Variants in TGM7 observed in about 807,000 individuals in gnomAD.
TGM7 encodes protein-glutamine gamma-glutamyltransferase Z.
In TGM7, 74 loss-of-function variants were observed where a neutral mutation model predicts 79.5. The observed-to-expected ratio is 0.93, with a 90% CI of 0.77 to 1.13. The LOEUF (loss-of-function observed/expected upper bound fraction) is 1.13. TGM7 is among the 50% of genes most tolerant of loss of function. The probability of loss-of-function intolerance (pLI) is 0.00; values close to 1 mark genes in which losing one functional copy is unlikely to be tolerated. For missense variants in TGM7, 912 were observed against 905.9 expected, an observed-to-expected ratio of 1.01 and a Z score of -0.09; for synonymous variants, 354 against 362.5, an observed-to-expected ratio of 0.98 and a Z score of 0.27.
In TGM7 at chr15:43,292,792, T is replaced by A. The variant is rs781758359; in HGVS notation, c.356A>T (p.Lys119Ile). 4.3e-6 allele frequency: 7 copies of A among 1,614,140 alleles called. No individual in the cohort carries two copies. In the South Asian group the frequency reaches 7.7e-5, roughly 18 times the overall value. Residue 119 changes from lysine to isoleucine, a missense_variant, in exon 3 of 13, where the codon AAA becomes ATA. Lys to Ile is a moderately radical substitution (Grantham distance 102). Transcript: ENST00000452443. ...ACCTTGGCCCTGAGAGATCTCTATTTTCAGAGTGTAATGGCCAATAACTGC... is the reference window on the plus strand; with the variant it reads ...ACCTTGGCCCTGAGAGATCTCTATTATCAGAGTGTAATGGCCAATAACTGC... ...ANAVIGHYTL[K>I]IEISQGQGHS... is the part of the protein sequence containing the mutation.
chr15:43,279,012 G>A lies in TGM7; in HGVS notation c.1839+105C>T, dbSNP rs904947864. 16 of 1,246,710 alleles carry A rather than the reference G, an allele frequency of 1.3e-5. No homozygotes were observed. In the Admixed American group the frequency reaches 1.8e-4, roughly 14 times the overall value. The allele number at this position is 1,246,710 out of a possible 1,614,324, so 77.2% of individuals were successfully genotyped here. A position where few individuals can be genotyped will look rare whatever the true frequency, so the allele number is the denominator to read the frequency against. On this transcript the variant is annotated intron_variant, in intron 11 of 12. Coordinates refer to ENST00000452443, the MANE Select transcript of TGM7 (RefSeq NM_052955.3). Reference sequence around the variant, plus strand: ...CACACCATACTGTGCTGGAGCCATCGGTGTGGTGAGAGGTGGGAACAGTGT... The same window carrying A: ...CACACCATACTGTGCTGGAGCCATCAGTGTGGTGAGAGGTGGGAACAGTGT...
chr15:43,298,871 T>G (rs1189024075), intron 1 of TGM7, among the ~76,000 whole-genome samples: 2 of 152,160 alleles, frequency 1.3e-5, no homozygotes, highest in African/African-American at 2.4e-5. Context: ...TGTACAAAAC[T>G]TAAGCATAAA....
intron 1 of TGM7, among the ~76,000 whole-genome samples, chr15:43,298,818 G>C (rs1039059636): frequency 2.0e-5 from 3 of 152,066 alleles, no homozygotes; most frequent in Admixed American, 6.6e-5. Flanking sequence ...TTTGACCCAT[G>C]AACTTCTCAT....
intron 1 of TGM7, among the ~76,000 whole-genome samples, chr15:43,294,436 A>T (rs2042982503): frequency 6.6e-6 from 1 of 152,242 alleles, no homozygotes. Context: ...ATATCCCTAG[A>T]CATCAGTGTC....
At chr15:43,283,728 A>AG (rs1379603453) in intron 7 of TGM7, among the ~76,000 whole-genome samples, 1 of 152,248 alleles carries the variant, frequency 6.6e-6, no homozygotes, top group African/African-American at 2.4e-5. Flanking sequence ...AATCAGAGAC[A>AG]ATTCAGACCT....
chr15:43,289,696 C>A (rs1468274835), intron 4 of TGM7, among the ~76,000 whole-genome samples: 2 of 152,154 alleles, frequency 1.3e-5, no homozygotes, highest in African/African-American at 4.8e-5. Flanking sequence ...TAAAAGTGTT[C>A]CGATTTCTCC....
chr15:43,302,111 A>G, intron 1 of TGM7, 130 bp downstream of exon 1: 1 of 1,041,946 alleles, frequency 9.6e-7, no homozygotes, highest in Non-Finnish European at 1.5e-6. Context: ...AAGGAGCCGT[A>G]TTGCACAATG....
In TGM7 at chr15:43,276,852, C is replaced by A. The variant is rs752789374; in HGVS notation, c.1973+10G>T. 1 of 1,612,942 alleles carries A rather than the reference C, an allele frequency of 6.2e-7. No individual in the cohort carries two copies. The highest frequency in any genetic ancestry group is 2.2e-5 in the East Asian group (1 of 44,868). The stretch of plus-strand genomic sequence containing the variant: ...CCAGCAAGGGGGAGGTGGGCAGAAG[C>A]GTCACTTACTCCTTTGCTATCTGCC... On this transcript the variant is annotated intron_variant, in intron 12 of 12. Transcript: ENST00000452443.
Position 43,279,611 on chromosome 15 carries a change from T to C in TGM7, c.1678+14A>G. ...CTCCCTGTAGGTGCCTTCTCAGGCC[T>C]GCCTCACACTCACCCTTCCCAAAGT... is the stretch of plus-strand genomic sequence containing the variant. On this transcript the variant is annotated intron_variant, in intron 10 of 12. Coordinates refer to ENST00000452443, the MANE Select transcript of TGM7 (RefSeq NM_052955.3). 6.4e-7 allele frequency: 1 copy of C among 1,557,638 alleles called. No homozygotes were observed. The highest frequency in any genetic ancestry group is 8.7e-7 in the Non-Finnish European group (1 of 1,149,762).
At chr15:43,277,063 C>G in intron 11 of TGM7, 68 bp from the exon 12 acceptor site, 2 of 1,575,676 alleles carry the variant, frequency 1.3e-6, no homozygotes, top group Non-Finnish European at 1.7e-6. Flanking sequence ...TTCAGTTACC[C>G]CCACCCCCAG....
chr15:43,294,921 C>G (rs1482268465), intron 1 of TGM7, among the ~76,000 whole-genome samples: 2 of 150,442 alleles, frequency 1.3e-5, no homozygotes, highest in Non-Finnish European at 3.0e-5. Flanking sequence ...TTTTTGGAGA[C>G]AGGGTCTCAC....
At chr15:43,297,995 A>G (rs1019009782) in intron 1 of TGM7, among the ~76,000 whole-genome samples, 9 of 152,248 alleles carry the variant, frequency 5.9e-5, no homozygotes, top group Admixed American at 2.0e-4. Flanking sequence ...TGCATGGCTA[A>G]TGTTCGTGGA....
chr15:43,298,248 G>A (rs1232432267), intron 1 of TGM7, among the ~76,000 whole-genome samples: 1 of 152,180 alleles, frequency 6.6e-6, no homozygotes, highest in Non-Finnish European at 1.5e-5. Context: ...ACATGTGCGT[G>A]AGGTTCAAGG....
chr15:43,279,663 C>T lies in TGM7; in HGVS notation c.1640G>A (p.Trp547Ter), dbSNP rs1399210531. The change falls in exon 10 of 13, where the codon TGG becomes TAG. Residue 547 changes from tryptophan to a stop codon, truncating the protein, a stop_gained. Coordinates refer to ENST00000452443, the MANE Select transcript of TGM7 (RefSeq NM_052955.3). LOFTEE classifies it high-confidence loss of function. ...LHGGGTQKPF[W>*]RHTVRMNLDF... ...CAGGTTCATCCGCACTGTGTGCCTCCAGAAGGGCTTCTGGGTACCACCCCC... is the reference window on the plus strand; with the variant it reads ...CAGGTTCATCCGCACTGTGTGCCTCTAGAAGGGCTTCTGGGTACCACCCCC... 1 of 1,610,752 alleles carries T rather than the reference C, an allele frequency of 6.2e-7. No individual in the cohort carries two copies. Among genetic ancestry groups the T allele is most frequent in the African/African-American group, 1.3e-5 (1 of 74,884 alleles).
At chr15:43,288,703 G>A (rs1053211720) in intron 4 of TGM7, among the ~76,000 whole-genome samples, 14 of 152,184 alleles carry the variant, frequency 9.2e-5, no homozygotes, top group Non-Finnish European at 1.6e-4. Context: ...GCCGAGGCAG[G>A]TGGATCACCT....
intron 1 of TGM7, among the ~76,000 whole-genome samples, chr15:43,299,305 G>A (rs1036476308): frequency 1.3e-5 from 2 of 152,274 alleles, no homozygotes; most frequent in Non-Finnish European, 2.9e-5. Context: ...AGAGAAGGAC[G>A]GGAAGGGCAG....
intron 4 of TGM7, among the ~76,000 whole-genome samples, chr15:43,288,169 C>T (rs975171743): frequency 2.0e-5 from 3 of 152,204 alleles, no homozygotes; most frequent in Non-Finnish European, 2.9e-5. Context: ...TCAGAGCAGA[C>T]GCTGCGGGCC....
intron 4 of TGM7, 88 bp downstream of exon 4, chr15:43,291,891 G>T: frequency 1.0e-6 from 1 of 963,450 alleles, no homozygotes; most frequent in South Asian, 1.5e-5. Flanking sequence ...TATGAGGGCT[G>T]TGTAATATAA....
chr15:43,296,794 A>G (rs1205950116), intron 1 of TGM7, among the ~76,000 whole-genome samples: 1 of 152,204 alleles, frequency 6.6e-6, no homozygotes, highest in Non-Finnish European at 1.5e-5. Context: ...TTGCAGTGGC[A>G]TGGAGAAAAC....
Sources: allele counts gnomAD v4.1 joint callset (sites outside exome capture counted in the v4.1 genomes callset), GRCh38; gene constraint gnomAD v4.1.1; transcripts MANE v1.5; gene names NCBI Gene and HGNC (gene_info 2026-07-23, HGNC 2026-07-21).